The following NPHS2 variants were observed in gnomAD, a reference collection of about 807,000 sequenced individuals.
NPHS2 encodes podocin.
A neutral mutation model predicts 37.1 loss-of-function variants in NPHS2; 36 were observed. That is an observed-to-expected ratio of 0.97 (90% CI 0.74 to 1.28). NPHS2 has a LOEUF of 1.28. NPHS2 is among the 50% of genes most tolerant of loss of function. The pLI is 0.00. For missense variants in NPHS2, 447 were observed against 488.1 expected, an observed-to-expected ratio of 0.92 and a Z score of 0.79; for synonymous variants, 196 against 189.3, an observed-to-expected ratio of 1.04 and a Z score of -0.29.
At position 179,561,279 on chromosome 1, in the gene NPHS2, G is replaced by GT. The variant is rs542240453; in HGVS notation, c.451+9dup. The GT allele has an allele frequency of 4.6e-4, 739 of 1,605,678 alleles. 9 individuals carry two copies. The African/African-American group carries it at 7.8e-3, about 17-fold the overall frequency. ...GAGAGGTGTTTAGAAAAAAAAGAGTGTTTTTTTACCAGGGCCTTTGGCTCT... is the reference window on the plus strand; with the variant it reads ...GAGAGGTGTTTAGAAAAAAAAGAGTGTTTTTTTTACCAGGGCCTTTGGCTCT... On this transcript the variant is annotated intron_variant, in intron 3 of 7. Transcript: ENST00000367615.
intron 3 of NPHS2, among the ~76,000 whole-genome samples, chr1:179,560,107 G>A (rs1335256853): frequency 6.6e-6 from 1 of 152,098 alleles, no homozygotes; most frequent in African/African-American, 2.4e-5. Flanking sequence ...CTTAGTGTCT[G>A]ACTTAGTGCC....
At chr1:179,561,755 T>C (rs1224267927) in intron 2 of NPHS2, among the ~76,000 whole-genome samples, 1 of 152,170 alleles carries the variant, frequency 6.6e-6, no homozygotes, top group Non-Finnish European at 1.5e-5. Flanking sequence ...CCACTTGTGA[T>C]GTTTTGTTTC....
intron 7 of NPHS2, 42 bp downstream of exon 7, chr1:179,552,561 C>A: frequency 6.6e-7 from 1 of 1,507,484 alleles, no homozygotes; most frequent in South Asian, 1.1e-5. Context: ...CACGAGCAGG[C>A]CTTCCTAAAG....
At chr1:179,570,258 A>G (rs1007460719) in intron 1 of NPHS2, among the ~76,000 whole-genome samples, 10 of 152,212 alleles carry the variant, frequency 6.6e-5, no homozygotes, top group Non-Finnish European at 1.2e-4. Flanking sequence ...ACACAGAAAT[A>G]TAGAGGTTTG....
chr1:179,559,447 T>C (rs1194281920), intron 4 of NPHS2, among the ~76,000 whole-genome samples: 1 of 152,226 alleles, frequency 6.6e-6, no homozygotes, highest in Non-Finnish European at 1.5e-5. Flanking sequence ...GTTCTTCATA[T>C]ATATTGAATA....
Position 179,552,617 on chromosome 1 carries a change from G to A in NPHS2, c.859C>T (p.Gln287Ter), listed in dbSNP as rs1057517164. The A allele has an allele frequency of 6.2e-7, 1 of 1,613,720 alleles. No homozygotes were observed. Among genetic ancestry groups the A allele is most frequent in the South Asian group, 1.1e-5 (1 of 90,986 alleles). Residue 287 changes from glutamine (Q) to a stop codon, truncating the protein, a stop_gained, in exon 7 of 8, where the codon CAA (glutamine) becomes TAA (stop). Coordinates refer to ENST00000367615, the MANE Select transcript of NPHS2 (RefSeq NM_014625.4). LOFTEE classifies it high-confidence loss of function. ...SLAVEAEAQR[Q>*]AKVRMIAAEA... ...GGAGTGCTCACCCGCACTTTGGCTT[G>A]TCTTTGCGCTTCAGCCTCCACAGCC...
intron 5 of NPHS2, among the ~76,000 whole-genome samples, chr1:179,555,206 T>C (rs1384794293): frequency 2.0e-5 from 3 of 152,248 alleles, no homozygotes; most frequent in Admixed American, 2.0e-4. Flanking sequence ...ATGTTTGTGG[T>C]AGTTTGTTAC....
chr1:179,556,517 C>A lies in NPHS2; in HGVS notation c.738+510G>T, dbSNP rs1673934842. On this transcript the variant is annotated intron_variant, in intron 5 of 7. Transcript: ENST00000367615. The surrounding 1 kb of genome is among the most constrained non-coding windows in gnomAD (Gnocchi z 4.1). ...AGTTCTTGCTCTTTCCCCTCTAATTCCAAATTGATTAAATCTAGACAATGG... is the reference window on the plus strand; with the variant it reads ...AGTTCTTGCTCTTTCCCCTCTAATTACAAATTGATTAAATCTAGACAATGG... 6.6e-6 allele frequency among the ~76,000 whole-genome samples: 1 copy of A among 152,172 alleles called. No individual in the cohort carries two copies. The highest frequency in any genetic ancestry group is 2.1e-4 in the South Asian group (1 of 4,818).
intron 1 of NPHS2, among the ~76,000 whole-genome samples, chr1:179,573,112 A>G (rs1056024216): frequency 1.8e-4 from 27 of 152,142 alleles, no homozygotes; most frequent in African/African-American, 5.6e-4. Flanking sequence ...GATTATAGGT[A>G]TGAGCTATGG....
intron 1 of NPHS2, among the ~76,000 whole-genome samples, chr1:179,565,405 T>G (rs12048994): frequency 0.12 from 18,258 of 152,216 alleles, 1,284 homozygotes; most frequent in African/African-American, 0.17. Flanking sequence ...GTATGACCTT[T>G]TCACGCCTCA....
In NPHS2 at chr1:179,550,720, A is replaced by C. The variant is rs924609589; in HGVS notation, c.*453T>G. On this transcript the variant is annotated 3_prime_UTR_variant, in exon 8 of 8. Coordinates refer to ENST00000367615, the MANE Select transcript of NPHS2 (RefSeq NM_014625.4). ...TTGAGGAAAACTAAGACTTGGTAGTATCATTGGAGAGAAGACTGCATCTTT... is the reference window on the plus strand; with the variant it reads ...TTGAGGAAAACTAAGACTTGGTAGTCTCATTGGAGAGAAGACTGCATCTTT... 1.5e-4 allele frequency: 31 copies of C among 205,658 alleles called. No individual in the cohort carries two copies. In the Admixed American group the frequency reaches 1.6e-3, roughly 11 times the overall value. The allele number at this position is 205,658 out of a possible 1,614,324, so 12.7% of individuals were successfully genotyped here. A position where few individuals can be genotyped will look rare whatever the true frequency, so the allele number is the denominator to read the frequency against.
In NPHS2 at chr1:179,564,731, T is replaced by C; in HGVS notation, c.337A>G (p.Ile113Val). 6.2e-7 allele frequency: 1 copy of C among 1,613,936 alleles called. No homozygotes were observed. Among genetic ancestry groups the C allele is most frequent in the Non-Finnish European group, 8.5e-7 (1 of 1,179,978 alleles). The change falls in exon 2 of 8, where the codon ATC (isoleucine) becomes GTC (valine). Residue 113 changes from isoleucine to valine, a missense_variant. Ile to Val is a conservative substitution (Grantham distance 29, BLOSUM62 3). Coordinates refer to ENST00000367615, the MANE Select transcript of NPHS2 (RefSeq NM_014625.4). ...ATGGAAAAAGGGAAGGTCATGATGATGAAGAGCAGGGAAATGAGGACAAGA... is the reference window on the plus strand; with the variant it reads ...ATGGAAAAAGGGAAGGTCATGATGACGAAGAGCAGGGAAATGAGGACAAGA... ...WLLVLISLLF[I>V]IMTFPFSIWF...
At chr1:179,565,773 C>T (rs1349596990) in intron 1 of NPHS2, among the ~76,000 whole-genome samples, 1 of 150,956 alleles carries the variant, frequency 6.6e-6, no homozygotes, top group Admixed American at 6.6e-5. Flanking sequence ...GCCCTGTGTC[C>T]AAGTGATCTC....
chr1:179,559,033 G>C (rs1479781462), intron 4 of NPHS2, among the ~76,000 whole-genome samples: 1 of 151,992 alleles, frequency 6.6e-6, no homozygotes, highest in African/African-American at 2.4e-5. Context: ...ATGCTGGGGT[G>C]GGGAGAGAAA....
chr1:179,563,434 G>C (rs1288587762), intron 2 of NPHS2, among the ~76,000 whole-genome samples: 1 of 152,150 alleles, frequency 6.6e-6, no homozygotes, highest in East Asian at 1.9e-4. Flanking sequence ...AGACATGGAA[G>C]ACTTGAATAG....
At chr1:179,553,008 G>A (rs559399913) in intron 6 of NPHS2, among the ~76,000 whole-genome samples, 64 of 152,306 alleles carry the variant, frequency 4.2e-4, no homozygotes, top group African/African-American at 1.5e-3. Context: ...TTGAACAATG[G>A]CTTGAAGAGC....
intron 1 of NPHS2, among the ~76,000 whole-genome samples, chr1:179,570,729 A>G (rs1674523327): frequency 1.3e-5 from 2 of 152,182 alleles, no homozygotes; most frequent in Non-Finnish European, 2.9e-5. Flanking sequence ...CTTTTCACAT[A>G]GTCCCATATT....
intron 2 of NPHS2, among the ~76,000 whole-genome samples, chr1:179,561,726 G>T (rs1004763011): frequency 6.6e-6 from 1 of 152,152 alleles, no homozygotes; most frequent in Admixed American, 6.5e-5. Flanking sequence ...TTAATGGAAA[G>T]AGGGAGTATA....
chr1:179,558,935 G>A (rs1674034418), intron 4 of NPHS2, among the ~76,000 whole-genome samples: 1 of 152,016 alleles, frequency 6.6e-6, no homozygotes, highest in Admixed American at 6.6e-5. Context: ...TTCGTATTAG[G>A]GTTCTCTAGA....
Sources: allele counts gnomAD v4.1 joint callset (sites outside exome capture counted in the v4.1 genomes callset), GRCh38; gene constraint gnomAD v4.1.1; non-coding constraint Gnocchi (gnomAD v3.1); transcripts MANE v1.5; gene names NCBI Gene and HGNC (gene_info 2026-07-23, HGNC 2026-07-21).